Variants in ACER3 observed in about 807,000 individuals in gnomAD.
The protein encoded by ACER3 is alkCDase 3.
ACER3 carries 16 observed loss-of-function variants against 48.9 expected under a neutral mutation model. The observed-to-expected ratio is 0.33, with a 90% CI of 0.22 to 0.50. ACER3 has a LOEUF of 0.50. Among genes scored for constraint, ACER3 ranks in the 20% least tolerant of loss-of-function variants. ACER3 has a pLI of 0.98. For missense variants in ACER3, 227 were observed against 326.0 expected, an observed-to-expected ratio of 0.70 and a Z score of 2.34; for synonymous variants, 109 against 107.8, an observed-to-expected ratio of 1.01 and a Z score of -0.07.
At chr11:77,001,977 C>G (rs1949041458) in intron 7 of ACER3, among the ~76,000 whole-genome samples, 1 of 152,096 alleles carries the variant, frequency 6.6e-6, no homozygotes, top group African/African-American at 2.4e-5. Flanking sequence ...ATGCAATTGG[C>G]CACACAGAGA....
At chr11:76,871,532 G>A (rs986332493) in intron 1 of ACER3, among the ~76,000 whole-genome samples, 3 of 152,214 alleles carry the variant, frequency 2.0e-5, no homozygotes, top group Non-Finnish European at 2.9e-5. Flanking sequence ...TTGGTTGAAA[G>A]AGTTAAGTTA....
At chr11:76,919,765 A>G (rs1946638605) in intron 1 of ACER3, among the ~76,000 whole-genome samples, 1 of 152,204 alleles carries the variant, frequency 6.6e-6, no homozygotes, top group South Asian at 2.1e-4. Flanking sequence ...TATAAAGACA[A>G]TATAGCAACA....
intron 3 of ACER3, among the ~76,000 whole-genome samples, chr11:76,975,705 A>G (rs1948422805): frequency 6.6e-6 from 1 of 152,148 alleles, no homozygotes; most frequent in African/African-American, 2.4e-5. Flanking sequence ...TCTGCCCTCC[A>G]GGAATAGTGA....
chr11:76,927,784 T>G (rs1283791561), intron 2 of ACER3, among the ~76,000 whole-genome samples: 2 of 152,198 alleles, frequency 1.3e-5, no homozygotes, highest in Non-Finnish European at 2.9e-5. Flanking sequence ...ACAAAGGACA[T>G]GAACTCATCC....
chr11:76,870,349 G>T (rs145461766), intron 1 of ACER3, among the ~76,000 whole-genome samples: 182 of 152,084 alleles, frequency 1.2e-3, no homozygotes, highest in African/African-American at 4.3e-3. Flanking sequence ...GCCCAGGCTG[G>T]TCTCAAACTC....
At chr11:76,935,534 A>G (rs1202706422) in intron 2 of ACER3, among the ~76,000 whole-genome samples, 2 of 152,236 alleles carry the variant, frequency 1.3e-5, no homozygotes, top group Non-Finnish European at 2.9e-5. Context: ...TTAGACTGGC[A>G]TCAGACCTTA....
At chr11:77,010,404 G>A (rs1315621305) in intron 7 of ACER3, among the ~76,000 whole-genome samples, 1 of 142,342 alleles carries the variant, frequency 7.0e-6, no homozygotes, top group Non-Finnish European at 1.5e-5. Context: ...AAAAGATACA[G>A]TTAAAGAAGC....
At chr11:76,903,253 T>C (rs1289190031) in intron 1 of ACER3, among the ~76,000 whole-genome samples, 2 of 152,202 alleles carry the variant, frequency 1.3e-5, no homozygotes, top group African/African-American at 4.8e-5. Flanking sequence ...ATATGTGTTA[T>C]CTCTGCCCTG....
At chr11:77,014,767 C>G in intron 7 of ACER3, among the ~76,000 whole-genome samples, 1 of 152,162 alleles carries the variant, frequency 6.6e-6, no homozygotes, top group East Asian at 1.9e-4. Context: ...TGTCTTCTAG[C>G]CAGGCATGGT....
intron 2 of ACER3, among the ~76,000 whole-genome samples, chr11:76,948,252 T>C (rs1461063119): frequency 6.6e-6 from 1 of 151,088 alleles, no homozygotes; most frequent in Non-Finnish European, 1.5e-5. Context: ...TGTGTGTGTG[T>C]GTGTGTGTGT....
intron 7 of ACER3, among the ~76,000 whole-genome samples, chr11:77,013,281 A>C (rs1949304854): frequency 6.6e-6 from 1 of 152,190 alleles, no homozygotes; most frequent in Admixed American, 6.5e-5. Flanking sequence ...CAAAATTTCA[A>C]ACTTTGTTCT....
rs782098761 is a variant in ACER3 at position 77,026,505 on chromosome 11, T to C, written c.*6178T>C. 1 of 152,224 alleles carries C rather than the reference T, an allele frequency of 6.6e-6. No individual in the cohort carries two copies. Among genetic ancestry groups the C allele is most frequent in the Non-Finnish European group, 1.5e-5 (1 of 68,040 alleles). 9.4% of individuals were successfully genotyped at this position (152,224 alleles called of 1,614,324 possible). On this transcript the variant is annotated 3_prime_UTR_variant, in exon 11 of 11. Transcript: ENST00000532485. Reference sequence around the variant, plus strand: ...ATTAATGTGACCAACAGATAAACTGTTCAAGCTAATACAGCATTTCCTAAC... The same window carrying C: ...ATTAATGTGACCAACAGATAAACTGCTCAAGCTAATACAGCATTTCCTAAC...
chr11:76,886,784 G>A (rs981179724), intron 1 of ACER3, among the ~76,000 whole-genome samples: 2 of 152,208 alleles, frequency 1.3e-5, no homozygotes, highest in East Asian at 1.9e-4. Flanking sequence ...TGGTTCAAGC[G>A]ATTCTTTTGC....
At chr11:76,945,868 G>C (rs1947459027) in intron 2 of ACER3, among the ~76,000 whole-genome samples, 1 of 152,192 alleles carries the variant, frequency 6.6e-6, no homozygotes, top group South Asian at 2.1e-4. Flanking sequence ...GGGCAGGCTA[G>C]TCCTCAGTCC....
intron 4 of ACER3, among the ~76,000 whole-genome samples, chr11:76,981,090 G>C (rs1034693773): frequency 1.3e-5 from 2 of 152,148 alleles, no homozygotes; most frequent in Non-Finnish European, 2.9e-5. Flanking sequence ...GAAAGGGATA[G>C]AGCTTGCCAT....
At chr11:76,992,874 CT>C (rs35182219) in intron 6 of ACER3, among the ~76,000 whole-genome samples, 100,759 of 147,886 alleles carry the variant, frequency 0.68, 34,667 homozygotes, top group Non-Finnish European at 0.76. Flanking sequence ...ATCTCCCCAC[CT>C]TTTTTTTTTT....
intron 1 of ACER3, among the ~76,000 whole-genome samples, chr11:76,888,770 A>C (rs527853148): frequency 1.3e-5 from 2 of 152,276 alleles, no homozygotes; most frequent in African/African-American, 4.8e-5. Flanking sequence ...TAATGTCATC[A>C]CATACACATG....
chr11:76,966,950 C>T (rs543020225), intron 3 of ACER3, among the ~76,000 whole-genome samples: 1 of 152,040 alleles, frequency 6.6e-6, no homozygotes, highest in African/African-American at 2.4e-5. Context: ...CAAGAAATAA[C>T]TAAAATCAGA....
intron 2 of ACER3, among the ~76,000 whole-genome samples, chr11:76,952,084 G>A (rs1285422005): frequency 1.3e-5 from 2 of 149,466 alleles, no homozygotes; most frequent in East Asian, 2.0e-4. Context: ...GGAGTAAAAG[G>A]GCATGATGTA....
Sources: allele counts gnomAD v4.1 joint callset (sites outside exome capture counted in the v4.1 genomes callset), GRCh38; gene constraint gnomAD v4.1.1; transcripts MANE v1.5; gene names NCBI Gene and HGNC (gene_info 2026-07-23, HGNC 2026-07-21).